Variants in DLG2 observed in about 807,000 individuals in gnomAD.
DLG2 encodes the protein discs large MAGUK scaffold protein 2.
Under a neutral mutation model 132.5 loss-of-function variants are expected in DLG2, and 45 were observed. The ratio of observed to expected loss-of-function variants is 0.34; its 90% CI spans 0.27 to 0.44. DLG2 has a LOEUF of 0.44. Among genes scored for constraint, DLG2 ranks in the 20% least tolerant of loss-of-function variants. DLG2 has a pLI of 1.00. For synonymous variants in DLG2, 424 were observed against 419.6 expected (o/e 1.01, Z -0.13); for missense variants, 1,045 against 1,196.9 (o/e 0.87, Z 1.87).
At chr11:85,263,579 T>C (rs527416838) in intron 4 of DLG2, among the ~76,000 whole-genome samples, 4 of 152,332 alleles carry the variant, frequency 2.6e-5, no homozygotes, top group Non-Finnish European at 4.4e-5. Context: ...TGCCATCAGT[T>C]GCCAGAGGGA....
intron 18 of DLG2, among the ~76,000 whole-genome samples, chr11:83,639,789 T>A (rs1252074701): frequency 1.4e-5 from 2 of 146,812 alleles, no homozygotes; most frequent in Admixed American, 6.8e-5. Context: ...GGAGTAAAAT[T>A]AAAAAAAAAA....
chr11:83,842,366 C>T (rs766078145), intron 16 of DLG2, among the ~76,000 whole-genome samples: 3 of 152,040 alleles, frequency 2.0e-5, no homozygotes, highest in South Asian at 2.1e-4. Flanking sequence ...GAGGCCAAGG[C>T]GGGCGGATCA....
At chr11:85,385,244 T>C (rs2086230639) in intron 3 of DLG2, among the ~76,000 whole-genome samples, 1 of 152,152 alleles carries the variant, frequency 6.6e-6, no homozygotes, top group African/African-American at 2.4e-5. Flanking sequence ...CCTGATAGGG[T>C]TATTTTATGG....
Position 84,449,712 on chromosome 11 carries a change from T to C in DLG2, c.519+84858A>G, listed in dbSNP as rs867941750. ...TCTTTATTGTTGTTTACTTATGTTA[T>C]TTTAAAATTTAATTTGACTCACTTT... On this transcript the variant is annotated intron_variant, in intron 7 of 27. Transcript: ENST00000376104. Among the ~76,000 whole-genome samples the C allele has an allele frequency of 1.5e-4, 23 of 152,040 alleles. 1 individual carries two copies. In the Middle Eastern group the frequency reaches 0.01, roughly 67 times the overall value.
intron 6 of DLG2, among the ~76,000 whole-genome samples, chr11:84,576,573 CTTAATAAGGTCCTG>C: frequency 6.6e-6 from 1 of 152,240 alleles, no homozygotes; most frequent in African/African-American, 2.4e-5. Flanking sequence ...ATTGCAGTCA[CTTAATAAGGTCCTG>C]TTAACACCAA....
chr11:84,650,734 C>T (rs2099680509), intron 6 of DLG2, among the ~76,000 whole-genome samples: 1 of 151,658 alleles, frequency 6.6e-6, no homozygotes, highest in Admixed American at 6.6e-5. Flanking sequence ...GCTTCAGAGG[C>T]TCTCCCAATA....
intron 4 of DLG2, among the ~76,000 whole-genome samples, chr11:85,187,763 G>C (rs1283305573): frequency 6.6e-6 from 1 of 152,082 alleles, no homozygotes; most frequent in Non-Finnish European, 1.5e-5. Context: ...GAACTCGCTT[G>C]ATTTGGAGTG....
chr11:85,557,628 T>C (rs1256387116), intron 3 of DLG2, among the ~76,000 whole-genome samples: 1 of 151,756 alleles, frequency 6.6e-6, no homozygotes, highest in African/African-American at 2.4e-5. Context: ...TGGAACAGAA[T>C]AAAGAACTCA....
intron 3 of DLG2, among the ~76,000 whole-genome samples, chr11:85,510,732 G>C (rs1598117103): frequency 1.3e-5 from 2 of 152,312 alleles, no homozygotes; most frequent in East Asian, 3.9e-4. Context: ...ATAGGTGCTG[G>C]AAAGGATGTG....
chr11:85,496,317 T>C (rs771038509), intron 3 of DLG2, among the ~76,000 whole-genome samples: 2 of 152,158 alleles, frequency 1.3e-5, no homozygotes, highest in Non-Finnish European at 2.9e-5. Context: ...CAGTCTGAGA[T>C]TGACCTGGGA....
intron 6 of DLG2, among the ~76,000 whole-genome samples, chr11:84,706,925 C>G (rs145668092): frequency 4.0e-4 from 60 of 151,834 alleles, no homozygotes; most frequent in African/African-American, 1.4e-3. Flanking sequence ...CTAGAGTTTT[C>G]CAGATAGACC....
intron 4 of DLG2, among the ~76,000 whole-genome samples, chr11:85,273,479 A>G (rs1323388403): frequency 1.3e-5 from 2 of 152,238 alleles, no homozygotes; most frequent in African/African-American, 4.8e-5. Context: ...GAAGACATCT[A>G]TGTAGCCAAC....
chr11:84,544,979 G>T (rs1366023850), intron 6 of DLG2, among the ~76,000 whole-genome samples: 1 of 152,080 alleles, frequency 6.6e-6, no homozygotes, highest in Non-Finnish European at 1.5e-5. Flanking sequence ...TGAATTTTTT[G>T]TCCATACACA....
intron 16 of DLG2, among the ~76,000 whole-genome samples, chr11:83,836,334 C>G (rs1373962783): frequency 6.6e-6 from 1 of 152,160 alleles, no homozygotes; most frequent in Admixed American, 6.5e-5. Context: ...ATGACTCAGT[C>G]AAGCTGATAC....
At chr11:84,532,888 C>A (rs985614331) in intron 7 of DLG2, among the ~76,000 whole-genome samples, 6 of 152,100 alleles carry the variant, frequency 3.9e-5, no homozygotes, top group Admixed American at 3.9e-4. Context: ...CTCGGCCCTG[C>A]CCTTTCTCAA....
chr11:83,893,188 C>T (rs10898175), intron 15 of DLG2, among the ~76,000 whole-genome samples: 40,165 of 152,110 alleles, frequency 0.26, 5,582 homozygotes, highest in East Asian at 0.48. Context: ...GTTAAAACAG[C>T]GTCCCAACTG....
rs139595859 is a variant in DLG2 at position 83,923,919 on chromosome 11, A to G, written c.1496+6409T>C. Among the ~76,000 whole-genome samples the G allele has an allele frequency of 3.0e-4, 46 of 152,126 alleles. 1 individual carries two copies. The East Asian group carries it at 8.9e-3, about 29-fold the overall frequency. ...CACTGCCTATAGGATAAAGTACAAA[A>G]TCCTCAGCTTGGTAAGTAAGATCTT... is the stretch of plus-strand genomic sequence containing the variant. On this transcript the variant is annotated intron_variant, in intron 15 of 27. Transcript: ENST00000376104.
chr11:84,741,559 T>C (rs1310630679), intron 6 of DLG2, among the ~76,000 whole-genome samples: 1 of 151,080 alleles, frequency 6.6e-6, no homozygotes, highest in Non-Finnish European at 1.5e-5. Flanking sequence ...CAAACATCAC[T>C]AGTGTGAATT....
intron 5 of DLG2, among the ~76,000 whole-genome samples, chr11:85,130,044 C>T (rs921682195): frequency 4.0e-5 from 6 of 151,718 alleles, no homozygotes; most frequent in African/African-American, 7.3e-5. Context: ...CATCACACAC[C>T]GGGGCCTTTT....
Sources: allele counts gnomAD v4.1 joint callset (sites outside exome capture counted in the v4.1 genomes callset), GRCh38; gene constraint gnomAD v4.1.1; transcripts MANE v1.5; gene names NCBI Gene and HGNC (gene_info 2026-07-23, HGNC 2026-07-21).